The following STK3 variants were observed in gnomAD, a reference collection of about 807,000 sequenced individuals.
STK3 encodes serine/threonine kinase 3.
STK3 carries 41 observed loss-of-function variants against 58.0 expected under a neutral mutation model. The ratio of observed to expected loss-of-function variants is 0.71; its 90% CI spans 0.55 to 0.92. The LOEUF is 0.92. STK3 is among the 40% of genes least tolerant of loss of function. The pLI, the probability that STK3 is intolerant of heterozygous loss-of-function variation, is 0.00. For synonymous variants in STK3, 170 were observed against 191.0 expected, an observed-to-expected ratio of 0.89 and a Z score of 0.91; for missense variants, 479 against 602.7, an observed-to-expected ratio of 0.79 and a Z score of 2.15.
intron 3 of STK3, chr8:98,413,717 C>A (rs1051078980): frequency 2.5e-5 from 23 of 913,690 alleles, no homozygotes; most frequent in African/African-American, 2.3e-4. Flanking sequence ...CCGTTCTTTT[C>A]TGTTGAAGAG....
intron 1 of STK3, among the ~76,000 whole-genome samples, chr8:98,898,743 G>T (rs1291885595): frequency 6.6e-6 from 1 of 152,160 alleles, no homozygotes; most frequent in Non-Finnish European, 1.5e-5. Context: ...CTCCCCAAAA[G>T]ACTTTTTGGG....
At chr8:98,488,177 A>G (rs749583980) in intron 10 of STK3, among the ~76,000 whole-genome samples, 1 of 152,238 alleles carries the variant, frequency 6.6e-6, no homozygotes, top group Non-Finnish European at 1.5e-5. Context: ...AGACTGGGCG[A>G]CATGGCTTTT....
At chr8:98,423,832 T>C (rs770305582) in intron 3 of STK3, among the ~76,000 whole-genome samples, 6 of 152,202 alleles carry the variant, frequency 3.9e-5, no homozygotes, top group Non-Finnish European at 7.3e-5. Context: ...GAGATCATCA[T>C]TGGCAGTGAA....
intron 6 of STK3, among the ~76,000 whole-genome samples, chr8:98,699,470 GT>G (rs1389411558): frequency 7.9e-5 from 12 of 151,986 alleles, no homozygotes; most frequent in South Asian, 4.1e-4. Flanking sequence ...TTTCTGCTCT[GT>G]TTTTTCCCCA....
chr8:98,535,615 T>G (rs1016478350), intron 9 of STK3, among the ~76,000 whole-genome samples: 1 of 152,206 alleles, frequency 6.6e-6, no homozygotes, highest in Non-Finnish European at 1.5e-5. Flanking sequence ...GATATACCAC[T>G]GACTCTTACT....
intron 3 of STK3, among the ~76,000 whole-genome samples, chr8:98,862,582 G>A (rs1256015400): frequency 6.6e-6 from 1 of 152,218 alleles, no homozygotes; most frequent in Non-Finnish European, 1.5e-5. Flanking sequence ...TTCATTTGGA[G>A]ATGGCTCAAT....
chr8:98,687,433 G>A (rs375804566), intron 6 of STK3, among the ~76,000 whole-genome samples: 7 of 152,148 alleles, frequency 4.6e-5, no homozygotes, highest in South Asian at 2.1e-4. Context: ...GACAGGAGGC[G>A]GAGCTTAGGC....
rs566971304 is a variant in STK3 at position 98,472,238 on chromosome 8, T to A, written c.1318-16238A>T. Among the ~76,000 whole-genome samples, 14 of 152,306 alleles carry A rather than the reference T, an allele frequency of 9.2e-5. No individual in the cohort carries two copies. The South Asian group carries it at 2.9e-3, about 32-fold the overall frequency. On this transcript the variant is annotated intron_variant, in intron 10 of 10. Coordinates refer to ENST00000419617, the MANE Select transcript of STK3 (RefSeq NM_006281.4). ...ACACTATACAATGCAGTTAAATATA[T>A]GTAGTTTACTGCCCATAATAAATTT...
chr8:98,809,487 C>T (rs894200462), intron 1 of STK3, among the ~76,000 whole-genome samples: 5 of 152,208 alleles, frequency 3.3e-5, no homozygotes, highest in South Asian at 2.1e-4. Flanking sequence ...ATTCTATACC[C>T]ATTAAATAAC....
At chr8:98,855,938 C>A (rs1290907889) in intron 3 of STK3, among the ~76,000 whole-genome samples, 1 of 151,944 alleles carries the variant, frequency 6.6e-6, no homozygotes, top group Non-Finnish European at 1.5e-5. Flanking sequence ...GGGTGGATCA[C>A]CTGAGGTCAG....
intron 1 of STK3, among the ~76,000 whole-genome samples, chr8:98,932,270 T>G (rs552425841): frequency 6.6e-6 from 1 of 152,230 alleles, no homozygotes; most frequent in Non-Finnish European, 1.5e-5. Flanking sequence ...TTGGGAGTAA[T>G]GCTTACTGTT....
intron 10 of STK3, among the ~76,000 whole-genome samples, chr8:98,461,968 T>A (rs1820020037): frequency 6.6e-6 from 1 of 152,136 alleles, no homozygotes; most frequent in African/African-American, 2.4e-5. Context: ...AAACACTTTT[T>A]TTTTTTGTGG....
At chr8:98,399,674 G>A (rs1156770144), downstream of STK3, among the ~76,000 whole-genome samples, 1 of 152,174 alleles carries the variant, frequency 6.6e-6, no homozygotes, top group Non-Finnish European at 1.5e-5. Flanking sequence ...AAGATCAAAG[G>A]GGTGATTCAT....
chr8:98,711,268 G>C (rs1826407708), intron 4 of STK3, among the ~76,000 whole-genome samples: 1 of 152,168 alleles, frequency 6.6e-6, no homozygotes, highest in African/African-American at 2.4e-5. Context: ...ACCAGCAATG[G>C]AACAAAGCTA....
At chr8:98,704,465 T>C (rs1488176312) in intron 6 of STK3, among the ~76,000 whole-genome samples, 1 of 151,734 alleles carries the variant, frequency 6.6e-6, no homozygotes, top group Non-Finnish European at 1.5e-5. Flanking sequence ...ATACAAAATA[T>C]GAGGAAAAAG....
intron 4 of STK3, among the ~76,000 whole-genome samples, chr8:98,713,890 T>G (rs1826762890): frequency 6.6e-6 from 1 of 152,136 alleles, no homozygotes; most frequent in South Asian, 2.1e-4. Flanking sequence ...AATAAAATAC[T>G]GACAAACCGA....
intron 6 of STK3, among the ~76,000 whole-genome samples, chr8:98,698,441 A>G (rs1275488479): frequency 1.2e-4 from 18 of 152,118 alleles, no homozygotes; most frequent in South Asian, 2.1e-4. Context: ...GTTAGTTGAT[A>G]CAGTTTCTTC....
At chr8:98,834,707 A>G (rs1173436857) in intron 3 of STK3, among the ~76,000 whole-genome samples, 2 of 152,214 alleles carry the variant, frequency 1.3e-5, no homozygotes, top group East Asian at 3.8e-4. Context: ...GACTAATTCC[A>G]TTCATGAGGG....
chr8:98,746,513 T>C (rs1207670610), intron 4 of STK3, among the ~76,000 whole-genome samples: 2 of 152,002 alleles, frequency 1.3e-5, no homozygotes, highest in Non-Finnish European at 1.5e-5. Flanking sequence ...CTCAGGAGGC[T>C]GAAGTGGGAA....
Sources: gnomAD v4.1 joint callset for allele counts (sites outside exome capture counted in the v4.1 genomes callset) on GRCh38, gnomAD v4.1.1 for gene constraint, MANE v1.5 for transcripts, NCBI Gene and HGNC (gene_info 2026-07-23, HGNC 2026-07-21) for gene names.